Variants in BAZ2B observed in about 807,000 individuals in gnomAD.
The protein encoded by BAZ2B is bromodomain adjacent to zinc finger domain protein 2B.
BAZ2B carries 91 observed loss-of-function variants against 246.0 expected under a neutral mutation model. That is an observed-to-expected ratio of 0.37 (90% CI 0.31 to 0.44). BAZ2B has a LOEUF of 0.44. Among genes scored for constraint, BAZ2B ranks in the 20% least tolerant of loss-of-function variants. BAZ2B has a pLI of 1.00. For synonymous variants in BAZ2B, 855 were observed against 860.0 expected (o/e 0.99, Z 0.10); for missense variants, 2,332 against 2,533.7 (o/e 0.92, Z 1.71).
At chr2:159,486,114 G>C (rs977683395) in intron 2 of BAZ2B, among the ~76,000 whole-genome samples, 2 of 151,982 alleles carry the variant, frequency 1.3e-5, no homozygotes, top group Non-Finnish European at 2.9e-5. Flanking sequence ...TAAATTGTAG[G>C]TATAGTCTGT....
chr2:159,501,434 G>C (rs2081827940), intron 2 of BAZ2B, among the ~76,000 whole-genome samples: 1 of 147,852 alleles, frequency 6.8e-6, no homozygotes, highest in South Asian at 2.1e-4. Context: ...CTGTGTGTGT[G>C]CGTTTGTGTG....
upstream of BAZ2B, among the ~76,000 whole-genome samples, chr2:159,619,813 T>C (rs911631249): frequency 1.3e-5 from 2 of 152,060 alleles, no homozygotes; most frequent in African/African-American, 2.4e-5. Context: ...GATTATAACA[T>C]AATCATACAG....
intron 2 of BAZ2B, among the ~76,000 whole-genome samples, chr2:159,517,604 A>C (rs2083563346): frequency 6.6e-6 from 1 of 152,106 alleles, no homozygotes. Flanking sequence ...CAATATAATC[A>C]TGTTAAGATA....
intron 33 of BAZ2B, among the ~76,000 whole-genome samples, chr2:159,333,586 CA>C (rs1011840191): frequency 3.8e-4 from 57 of 149,672 alleles, no homozygotes; most frequent in Admixed American, 8.7e-4. Context: ...ACTCCAGTCA[CA>C]AAAAAAAATG....
chr2:159,427,906 TGG>T, intron 13 of BAZ2B, 33 bp downstream of exon 13: 1 of 1,538,132 alleles, frequency 6.5e-7, no homozygotes, highest in South Asian at 1.1e-5. Context: ...TACTACTTTT[TGG>T]TTCAAAGACT....
At chr2:159,623,164 G>A in the BAZ2B span, among the ~76,000 whole-genome samples, 1 of 149,954 alleles carries the variant, frequency 6.7e-6, no homozygotes, top group Non-Finnish European at 1.5e-5. Flanking sequence ...GGAGGGAGGA[G>A]GGAAGGAGGG....
At chr2:159,461,826 A>G (rs2076438270) in intron 3 of BAZ2B, 1 of 152,732 alleles carries the variant, frequency 6.5e-6, no homozygotes, top group Admixed American at 6.5e-5. Context: ...AGAAGCTGAC[A>G]CTTCCTTTGC....
At chr2:159,501,104 T>A (rs2081655384) in intron 2 of BAZ2B, among the ~76,000 whole-genome samples, 1 of 121,194 alleles carries the variant, frequency 8.3e-6, no homozygotes, top group Non-Finnish European at 1.7e-5. Context: ...ACCCCATCTC[T>A]GTTTAAAAAT....
chr2:159,631,009 C>T, the BAZ2B span, among the ~76,000 whole-genome samples: 2 of 151,944 alleles, frequency 1.3e-5, no homozygotes, highest in Non-Finnish European at 2.9e-5. Context: ...GCCTCGGCAA[C>T]GTGGTGAAAC....
rs776391966 is a variant in BAZ2B, at chr2:159,395,818, C to T, written c.3026G>A (p.Arg1009Gln). 20 of 1,611,340 alleles carry T rather than the reference C, an allele frequency of 1.2e-5. No individual in the cohort carries two copies. Among genetic ancestry groups the T allele is most frequent in the Non-Finnish European group, 1.5e-5 (18 of 1,178,488 alleles). ...LLKHQERERR[R>Q]QHMMLMKAME... ...AGCTTTCATAAGCATCATGTGTTGT[C>T]GCCTTCGCTCTCGTTCCTATTAGGC... The change falls in exon 20 of 37, where the codon CGA becomes CAA. Residue 1009 changes from arginine to glutamine, a missense_variant. By Grantham distance (43) the Arg-to-Gln change is conservative (BLOSUM62 1). Transcript: ENST00000392783.
At chr2:159,712,094 A>G in the BAZ2B span, 1 of 23,048 alleles carries the variant, frequency 4.3e-5, no homozygotes, top group African/African-American at 5.3e-5. Context: ...CCAGAAAAAG[A>G]AAAAAAAAAA....
intron 1 of BAZ2B, among the ~76,000 whole-genome samples, chr2:159,607,151 G>A (rs540606397): frequency 1.3e-5 from 2 of 152,214 alleles, no homozygotes; most frequent in Non-Finnish European, 2.9e-5. Context: ...CACCACGCCT[G>A]GCCCTCCTTT....
In BAZ2B at chr2:159,611,903, A is replaced by G. The variant is rs530371106; in HGVS notation, c.-46+4339T>C. Among the ~76,000 whole-genome samples the G allele has an allele frequency of 3.0e-3, 460 of 151,900 alleles. 2 individuals are homozygous for G. Among genetic ancestry groups the G allele is most frequent in the African/African-American group, 0.01 (421 of 41,490 alleles). On this transcript the variant is annotated intron_variant, in intron 1 of 36. Coordinates refer to ENST00000392783, the MANE Select transcript of BAZ2B (RefSeq NM_013450.4). The stretch of plus-strand genomic sequence containing the variant: ...TTTTCTCCCTCCCATTTCCTCTACC[A>G]CCAAAAAACACCATGCAAATAATTA...
intron 1 of BAZ2B, among the ~76,000 whole-genome samples, chr2:159,590,148 C>T (rs1451409078): frequency 8.7e-6 from 1 of 114,920 alleles, no homozygotes; most frequent in Non-Finnish European, 1.6e-5. Flanking sequence ...GATCATGCCA[C>T]TGTATTCCAG....
chr2:159,659,338 A>T, the BAZ2B span, among the ~76,000 whole-genome samples: 1 of 152,184 alleles, frequency 6.6e-6, no homozygotes, highest in African/African-American at 2.4e-5. Context: ...GAACCTACTA[A>T]AAGTTTGAGC....
At chr2:159,678,787 T>A in the BAZ2B span, among the ~76,000 whole-genome samples, 2 of 152,208 alleles carry the variant, frequency 1.3e-5, no homozygotes, top group African/African-American at 2.4e-5. Context: ...AACACCTCTA[T>A]CACATACACC....
intron 9 of BAZ2B, among the ~76,000 whole-genome samples, chr2:159,431,372 A>C (rs10180735): frequency 0.12 from 18,425 of 152,182 alleles, 1,258 homozygotes; most frequent in South Asian, 0.22. Flanking sequence ...TTTACTCAAC[A>C]CTTTAAACAG....
intron 3 of BAZ2B, 117 bp from the exon 4 acceptor site, chr2:159,453,918 C>A: frequency 1.1e-6 from 1 of 898,074 alleles, no homozygotes. Context: ...TTTATTTTAC[C>A]CTTTTCCTGC....
chr2:159,401,490 A>T (rs1246773551), intron 16 of BAZ2B, among the ~76,000 whole-genome samples: 1 of 152,218 alleles, frequency 6.6e-6, no homozygotes, highest in Non-Finnish European at 1.5e-5. Flanking sequence ...CATTATTATT[A>T]ACAATAATTT....
Sources: allele counts gnomAD v4.1 joint callset (sites outside exome capture counted in the v4.1 genomes callset), GRCh38; gene constraint gnomAD v4.1.1; transcripts MANE v1.5; gene names NCBI Gene and HGNC (gene_info 2026-07-23, HGNC 2026-07-21).